The following IQCE variants were observed in gnomAD, a reference collection of about 807,000 sequenced individuals.
IQCE encodes the protein IQ domain-containing protein E.
IQCE carries 115 observed loss-of-function variants against 96.0 expected under a neutral mutation model. The ratio of observed to expected loss-of-function variants is 1.20; its 90% CI spans 1.03 to 1.40. The LOEUF is 1.40. Among genes scored for constraint, IQCE ranks in the 40% most tolerant of loss-of-function variants. The pLI, the probability that IQCE is intolerant of heterozygous loss-of-function variation, is 0.00. For missense variants in IQCE, 1,041 were observed against 909.1 expected (o/e 1.15, Z -1.87); for synonymous variants, 412 against 371.2 (o/e 1.11, Z -1.26).
intron 19 of IQCE, 82 bp downstream of exon 19, chr7:2,605,073 C>A: frequency 1.0e-6 from 1 of 992,022 alleles, no homozygotes; most frequent in Non-Finnish European, 1.5e-6. Flanking sequence ...AAGCGTAGGG[C>A]ACCCCTCAGC....
chr7:2,560,680 G>A (rs1024202087), intron 1 of IQCE, among the ~76,000 whole-genome samples: 6 of 151,184 alleles, frequency 4.0e-5, no homozygotes, highest in Non-Finnish European at 8.8e-5. Context: ...TCTCTTGGCC[G>A]GGCACGGCGG....
chr7:2,576,278 G>C (rs183536879), intron 6 of IQCE, among the ~76,000 whole-genome samples: 218 of 152,262 alleles, frequency 1.4e-3, no homozygotes, highest in African/African-American at 4.9e-3. Context: ...GGTGAGCTGC[G>C]GCACAGCCCA....
At chr7:2,560,874 G>A (rs868475887) in intron 1 of IQCE, among the ~76,000 whole-genome samples, 55 of 147,642 alleles carry the variant, frequency 3.7e-4, no homozygotes, top group African/African-American at 1.1e-3. Flanking sequence ...GGAGAATGGC[G>A]TGAACCCAGG....
chr7:2,588,672 TTTTTTTTTTTG>T, intron 13 of IQCE, among the ~76,000 whole-genome samples: 1 of 136,858 alleles, frequency 7.3e-6, no homozygotes, highest in Non-Finnish European at 1.6e-5. Flanking sequence ...TTTTTTTTTT[TTTTTTTTTTTG>T]AGGTGGAGTC....
intron 11 of IQCE, 52 bp downstream of exon 11, chr7:2,584,337 A>T (rs772780682): frequency 6.4e-7 from 1 of 1,553,986 alleles, no homozygotes; most frequent in Admixed American, 1.7e-5. Context: ...CACGTTGTGG[A>T]AGCTCCTCTG....
rs1158603408 is a variant in IQCE, at chr7:2,574,846, G to A, written c.465+1358G>A. Among the ~76,000 whole-genome samples the A allele has an allele frequency of 2.4e-4, 36 of 152,166 alleles. 1 individual carries two copies. The highest frequency in any genetic ancestry group is 2.9e-5 in the Non-Finnish European group (2 of 68,042). On this transcript the variant is annotated intron_variant, in intron 6 of 21. Coordinates refer to ENST00000402050, the MANE Select transcript of IQCE (RefSeq NM_152558.5). ...CTCGAGCTCACGGATGCTTTCTGCTGGCCTCTGCATCCTGCAGTTGAGCCC... is the reference window on the plus strand; with the variant it reads ...CTCGAGCTCACGGATGCTTTCTGCTAGCCTCTGCATCCTGCAGTTGAGCCC...
intron 1 of IQCE, among the ~76,000 whole-genome samples, chr7:2,563,409 G>GTGTGTGTC (rs1562615959): frequency 2.0e-5 from 3 of 151,352 alleles, no homozygotes; most frequent in Admixed American, 6.6e-5. Context: ...GTGTGTGTGT[G>GTGTGTGTC]TGTACAGGGT....
In IQCE at chr7:2,578,541, T is replaced by A; in HGVS notation, c.630+15T>A. 6.2e-7 allele frequency: 1 copy of A among 1,613,996 alleles called. No homozygotes were observed. On this transcript the variant is annotated intron_variant, in intron 8 of 21. Transcript: ENST00000402050. Reference sequence around the variant, plus strand: ...ATGCCAGTTGGGTGAGTATGGTGTGTGCAGGACAGAGCCTTTCCCCAGACG... The same window carrying A: ...ATGCCAGTTGGGTGAGTATGGTGTGAGCAGGACAGAGCCTTTCCCCAGACG...
chr7:2,572,647 T>C, intron 5 of IQCE: 2 of 508,156 alleles, frequency 3.9e-6, no homozygotes, highest in South Asian at 1.6e-5. Flanking sequence ...AATAAATAAA[T>C]AATGATAAAA....
chr7:2,584,098 A>T, intron 10 of IQCE, 138 bp from the exon 11 acceptor site: 1 of 787,274 alleles, frequency 1.3e-6, no homozygotes. Flanking sequence ...CTTCAGCCCA[A>T]CGGAAAGATG....
intron 21 of IQCE, 46 bp from the exon 22 acceptor site, chr7:2,609,998 T>G (rs375745907): frequency 1.8e-5 from 19 of 1,076,976 alleles, no homozygotes; most frequent in Middle Eastern, 2.0e-4. Flanking sequence ...TGGCAGCCCC[T>G]GAGGTCAGCG....
intron 18 of IQCE, among the ~76,000 whole-genome samples, chr7:2,603,506 C>T (rs1308192109): frequency 1.3e-5 from 2 of 152,172 alleles, no homozygotes; most frequent in African/African-American, 4.8e-5. Flanking sequence ...CCTCAGGGGC[C>T]TCGTCTCTAA....
At chr7:2,567,961 C>T (rs1026643665) in intron 2 of IQCE, among the ~76,000 whole-genome samples, 1 of 152,170 alleles carries the variant, frequency 6.6e-6, no homozygotes. Context: ...ATTCCCCCCG[C>T]GCAGAACTTG....
In IQCE at chr7:2,573,357, A is replaced by G. The variant is rs535595197; in HGVS notation, c.395-61A>G. On this transcript the variant is annotated intron_variant, in intron 5 of 21. Coordinates refer to ENST00000402050, the MANE Select transcript of IQCE (RefSeq NM_152558.5). Reference sequence around the variant, plus strand: ...AACTTCCAGGTTTTCCTTAAAGTATAGCCAAGAATTCTTTCTACTTTGTAG... The same window carrying G: ...AACTTCCAGGTTTTCCTTAAAGTATGGCCAAGAATTCTTTCTACTTTGTAG... 2.5e-5 allele frequency: 21 copies of G among 824,430 alleles called. No homozygotes were observed. The African/African-American group carries it at 3.6e-4, about 14-fold the overall frequency. The allele number at this position is 824,430 out of a possible 1,614,324, so 51.1% of individuals were successfully genotyped here.
rs1781423267 is a variant in IQCE, at chr7:2,567,020, A to C, written c.37-96A>C. 1.6e-5 allele frequency: 16 copies of C among 982,408 alleles called. No homozygotes were observed. In the South Asian group the frequency reaches 2.2e-4, roughly 13 times the overall value. 60.9% of individuals were successfully genotyped at this position (982,408 alleles called of 1,614,324 possible). Reference sequence around the variant, plus strand: ...GCTGGATTTCTGGAGTTTCTGTTTCAGCAGCTGTGGACGGGCTGTTTTCGC... The same window carrying C: ...GCTGGATTTCTGGAGTTTCTGTTTCCGCAGCTGTGGACGGGCTGTTTTCGC... On this transcript the variant is annotated intron_variant, in intron 1 of 21. Coordinates refer to ENST00000402050, the MANE Select transcript of IQCE (RefSeq NM_152558.5).
Position 2,612,497 on chromosome 7 carries a change from TAGGC to T in IQCE, c.*2339_*2342del, listed in dbSNP as rs1353421242. 1.3e-5 allele frequency: 2 copies of T among 151,544 alleles called. No individual in the cohort carries two copies. The highest frequency in any genetic ancestry group is 6.6e-5 in the Admixed American group (1 of 15,210). 9.4% of individuals were successfully genotyped at this position (151,544 alleles called of 1,614,324 possible). A position where few individuals can be genotyped will look rare whatever the true frequency, so the allele number is the denominator to read the frequency against. ...CAGGGGTTCTGGCCCTGCGGGGACT[TAGGC>T]AGGAGGGGAAGAGAAGCCCATGGAG... On this transcript the variant is annotated 3_prime_UTR_variant, in exon 22 of 22. Transcript: ENST00000402050.
Position 2,567,173 on chromosome 7 carries a change from G to T in IQCE, c.84+10G>T, listed in dbSNP as rs373065645. The T allele has an allele frequency of 2.5e-6, 4 of 1,611,756 alleles. No homozygotes were observed. The highest frequency in any genetic ancestry group is 3.4e-6 in the Non-Finnish European group (4 of 1,178,436). On this transcript the variant is annotated intron_variant, in intron 2 of 21. Transcript: ENST00000402050. ...CTCTGATGTGGAGACGGTGAGTGCC[G>T]CTGGGTGTCAGCCGTGCGACCTCGG... is the stretch of plus-strand genomic sequence containing the variant.
intron 16 of IQCE, chr7:2,597,055 C>T (rs12700146): frequency 0.26 from 122,676 of 471,142 alleles, 16,765 homozygotes; most frequent in Non-Finnish European, 0.29. Context: ...CACGCAGGAG[C>T]GGCGCGTCGG....
chr7:2,605,394 G>A lies in IQCE; in HGVS notation c.1743+403G>A, dbSNP rs187748348. 7.0e-3 allele frequency among the ~76,000 whole-genome samples: 1,062 copies of A among 152,290 alleles called. 13 individuals carry two copies. Among genetic ancestry groups the A allele is most frequent in the Middle Eastern group, 0.024 (7 of 294 alleles). On this transcript the variant is annotated intron_variant, in intron 19 of 21. Transcript: ENST00000402050. ...CCAGCACTTTTGGAGGCCGAGGCAG[G>A]TGGATCACAAGGTCAGGAGATCGAG...
Sources: gnomAD v4.1 joint callset for allele counts (sites outside exome capture counted in the v4.1 genomes callset) on GRCh38, gnomAD v4.1.1 for gene constraint, MANE v1.5 for transcripts, NCBI Gene and HGNC (gene_info 2026-07-23, HGNC 2026-07-21) for gene names.